Variants in RABGAP1 observed in about 807,000 individuals in gnomAD.
RABGAP1 encodes the protein RAB GTPase activating protein 1, also known as rab GTPase-activating protein 1.
RABGAP1 carries 23 observed loss-of-function variants against 137.6 expected under a neutral mutation model. That is an observed-to-expected ratio of 0.17 (90% confidence interval 0.12 to 0.24). The LOEUF (loss-of-function observed/expected upper bound fraction) is 0.24, where lower values mean the gene tolerates loss of function less well. RABGAP1 is among the 10% of genes least tolerant of loss of function. The probability of loss-of-function intolerance (pLI) is 1.00; values close to 1 mark genes in which losing one functional copy is unlikely to be tolerated. For synonymous variants in RABGAP1, 451 were observed against 450.7 expected (o/e 1.00, Z -0.01); for missense variants, 906 against 1,275.8 (o/e 0.71, Z 4.42).
At chr9:123,091,737 A>C (rs573443754) in intron 21 of RABGAP1, among the ~76,000 whole-genome samples, 8 of 152,138 alleles carry the variant, frequency 5.3e-5, no homozygotes, top group African/African-American at 1.9e-4. Context: ...CAGTTTTTGC[A>C]GGGAGAATGT....
chr9:122,981,035 T>C (rs1836025324), intron 2 of RABGAP1, among the ~76,000 whole-genome samples: 1 of 152,046 alleles, frequency 6.6e-6, no homozygotes, highest in Non-Finnish European at 1.5e-5. Flanking sequence ...TTGTTGTTGT[T>C]GTTGTTGTTG....
At chr9:123,089,473 G>A (rs1280326093) in intron 19 of RABGAP1, 9 of 306,656 alleles carry the variant, frequency 2.9e-5, no homozygotes, top group Non-Finnish European at 4.9e-5. Flanking sequence ...GGGACAAATA[G>A]GACCCAGAAC....
chr9:123,049,805 T>C (rs896947347), intron 13 of RABGAP1, among the ~76,000 whole-genome samples: 1 of 152,230 alleles, frequency 6.6e-6, no homozygotes, highest in Non-Finnish European at 1.5e-5. Flanking sequence ...CTCAAGTCTG[T>C]TGAGAAAGAG....
chr9:123,019,221 C>G (rs1014507902), intron 12 of RABGAP1, among the ~76,000 whole-genome samples: 7 of 152,108 alleles, frequency 4.6e-5, no homozygotes. Flanking sequence ...TATTAGCCAC[C>G]ATAAACATTC....
intron 6 of RABGAP1, among the ~76,000 whole-genome samples, chr9:122,991,994 A>G (rs1336580157): frequency 1.3e-5 from 2 of 152,150 alleles, no homozygotes; most frequent in Non-Finnish European, 2.9e-5. Flanking sequence ...TATAATTTTA[A>G]GTAGTTTTTT....
intron 13 of RABGAP1, among the ~76,000 whole-genome samples, chr9:123,021,330 CTTTTTT>C (rs397944903): frequency 8.9e-6 from 1 of 111,942 alleles, no homozygotes; most frequent in Non-Finnish European, 1.8e-5. Context: ...GAAGAGCAGG[CTTTTTT>C]TTTTTTTTTT....
At chr9:123,027,108 C>CTTT (rs71388345) in intron 13 of RABGAP1, among the ~76,000 whole-genome samples, 6 of 100,088 alleles carry the variant, frequency 6.0e-5, no homozygotes, top group East Asian at 2.3e-4. Context: ...TCTTTCTTTT[C>CTTT]TTTTTTTTTT....
At chr9:123,043,630 T>A (rs969740908) in intron 13 of RABGAP1, among the ~76,000 whole-genome samples, 7 of 150,794 alleles carry the variant, frequency 4.6e-5, no homozygotes, top group Non-Finnish European at 7.4e-5. Context: ...AAGGGAAGTG[T>A]TTGGGGGGTG....
At chr9:122,946,781 G>C (rs1446561111) in intron 1 of RABGAP1, among the ~76,000 whole-genome samples, 2 of 152,110 alleles carry the variant, frequency 1.3e-5, no homozygotes, top group Non-Finnish European at 2.9e-5. Flanking sequence ...GAAAACCATT[G>C]GCAAGATTTT....
At chr9:123,098,864 A>G (rs2035261028) in intron 23 of RABGAP1, 66 bp downstream of exon 23, 2 of 791,126 alleles carry the variant, frequency 2.5e-6, no homozygotes, top group Non-Finnish European at 3.6e-6. Flanking sequence ...TAAAATGTAT[A>G]CCCGCCCCCC....
intron 11 of RABGAP1, among the ~76,000 whole-genome samples, chr9:123,012,731 T>C (rs2030914057): frequency 6.6e-6 from 1 of 152,212 alleles, no homozygotes; most frequent in Non-Finnish European, 1.5e-5. Flanking sequence ...CCACAACATC[T>C]GATATGTAGT....
intron 1 of RABGAP1, among the ~76,000 whole-genome samples, chr9:122,953,350 A>G (rs949049057): frequency 6.6e-6 from 1 of 151,804 alleles, no homozygotes; most frequent in African/African-American, 2.4e-5. Context: ...CATTACCTCT[A>G]TGGAAACTGA....
chr9:123,093,120 A>G (rs1026234052), intron 21 of RABGAP1, among the ~76,000 whole-genome samples: 1 of 152,196 alleles, frequency 6.6e-6, no homozygotes, highest in Non-Finnish European at 1.5e-5. Flanking sequence ...TTTTTGAAAG[A>G]ACGTCATTCC....
chr9:123,076,290 C>T lies in RABGAP1; in HGVS notation c.2295+4C>T, dbSNP rs772357126. The T allele has an allele frequency of 6.2e-7, 1 of 1,605,792 alleles. No homozygotes were observed. ...TGTCGCCCTTGGATTATTAAAGGTA[C>T]TCATTTATTTATTAGCTGAGTTATC... is the stretch of plus-strand genomic sequence containing the variant. On this transcript the variant is annotated splice_donor_region_variant and intron_variant, in intron 18 of 25. Transcript: ENST00000373647.
chr9:122,987,505 A>G (rs1836433922), intron 4 of RABGAP1, among the ~76,000 whole-genome samples: 2 of 152,090 alleles, frequency 1.3e-5, no homozygotes, highest in African/African-American at 4.8e-5. Context: ...AACTGTTAGA[A>G]TCAACTTTTT....
intron 13 of RABGAP1, chr9:123,034,887 TGTA>T: frequency 6.2e-7 from 1 of 1,613,954 alleles, no homozygotes. Context: ...TATTTGGTTT[TGTA>T]GTATCAGTTC....
At chr9:122,960,932 G>T (rs376555950) in intron 2 of RABGAP1, among the ~76,000 whole-genome samples, 1 of 152,036 alleles carries the variant, frequency 6.6e-6, no homozygotes, top group Admixed American at 6.5e-5. Flanking sequence ...ACTGGCAAAA[G>T]AAAGAGTTAA....
At chr9:122,974,904 A>G (rs1366869261) in intron 2 of RABGAP1, among the ~76,000 whole-genome samples, 9 of 152,262 alleles carry the variant, frequency 5.9e-5, no homozygotes, top group Admixed American at 5.9e-4. Flanking sequence ...CTGATTTAAC[A>G]AAGATCACAG....
At chr9:123,025,690 G>C (rs985918786) in intron 13 of RABGAP1, among the ~76,000 whole-genome samples, 1 of 151,584 alleles carries the variant, frequency 6.6e-6, no homozygotes, top group Non-Finnish European at 1.5e-5. Context: ...ATTTGTAGGT[G>C]CTAACTGCTA....
Sources: allele counts gnomAD v4.1 joint callset (sites outside exome capture counted in the v4.1 genomes callset), GRCh38; gene constraint gnomAD v4.1.1; transcripts MANE v1.5; gene names NCBI Gene and HGNC (gene_info 2026-07-23, HGNC 2026-07-21).